FANCC: variants seen among roughly 807,000 people sequenced by gnomAD.
FANCC encodes the protein Fanconi anemia group C protein.
Under a neutral mutation model 71.3 loss-of-function variants are expected in FANCC, and 55 were observed. The ratio of observed to expected loss-of-function variants is 0.77; its 90% CI spans 0.62 to 0.97. The LOEUF is 0.97. Ranked by LOEUF, FANCC falls within the 50% of genes least tolerant of loss-of-function variation. The pLI, the probability that FANCC is intolerant of heterozygous loss-of-function variation, is 0.00. For synonymous variants in FANCC, 275 were observed against 244.9 expected (o/e 1.12, Z -1.15); for missense variants, 678 against 670.9 (o/e 1.01, Z -0.12).
At chr9:95,118,169 C>A (rs936388466) in intron 10 of FANCC, among the ~76,000 whole-genome samples, 3 of 152,150 alleles carry the variant, frequency 2.0e-5, no homozygotes, top group African/African-American at 7.2e-5. Context: ...CAGGCACATG[C>A]CACCACACCT....
intron 6 of FANCC, among the ~76,000 whole-genome samples, chr9:95,152,525 G>A (rs531761140): frequency 1.3e-5 from 2 of 152,248 alleles, no homozygotes; most frequent in South Asian, 2.1e-4. Context: ...GGAGGATGGC[G>A]GAAAGGCTTC....
intron 12 of FANCC, among the ~76,000 whole-genome samples, chr9:95,111,875 C>T (rs775343693): frequency 2.0e-5 from 3 of 152,092 alleles, no homozygotes; most frequent in Non-Finnish European, 4.4e-5. Context: ...CTTTGGACAT[C>T]GGAGTCTTTA....
chr9:95,293,212 A>T, intron 1 of FANCC: 1 of 1,612,860 alleles, frequency 6.2e-7, no homozygotes, highest in Non-Finnish European at 8.5e-7. Flanking sequence ...GATAGCCTCA[A>T]AAGTTGCTTT....
At chr9:95,199,060 T>C (rs146502105) in intron 4 of FANCC, among the ~76,000 whole-genome samples, 80 of 152,278 alleles carry the variant, frequency 5.3e-4, no homozygotes, top group African/African-American at 1.9e-3. Context: ...AGGCAATATA[T>C]GAATTTTTTT....
chr9:95,142,729 A>T (rs1828953009), intron 7 of FANCC, among the ~76,000 whole-genome samples: 1 of 152,200 alleles, frequency 6.6e-6, no homozygotes. Context: ...ATTTTAAATC[A>T]TATGGCCACC....
intron 1 of FANCC, among the ~76,000 whole-genome samples, chr9:95,260,595 C>T (rs1468843433): frequency 6.7e-6 from 1 of 150,346 alleles, no homozygotes. Context: ...ATGTAGATGA[C>T]AGGTTGATGG....
rs1246020036 is a variant in FANCC, at chr9:95,101,784, T to C, written c.1600A>G (p.Asn534Asp). 3 of 1,614,030 alleles carry C rather than the reference T, an allele frequency of 1.9e-6. No individual in the cohort carries two copies. The highest frequency in any genetic ancestry group is 1.1e-5 in the South Asian group (1 of 91,092). Reference sequence around the variant, plus strand: ...CTAGGGCTTTCAATGCCAAGACGATTCCATCTGTACAAGGTCTGGTCAAGA... The same window carrying C: ...CTAGGGCTTTCAATGCCAAGACGATCCCATCTGTACAAGGTCTGGTCAAGA... ...GFLDQTLYRW[N>D]RLGIESPRSE... Residue 534 changes from asparagine (N) to aspartate (D), a missense_variant, in exon 15 of 15, where the codon AAT becomes GAT. Asn to Asp is a conservative substitution (Grantham distance 23, BLOSUM62 1). Coordinates refer to ENST00000289081, the MANE Select transcript of FANCC (RefSeq NM_000136.3).
At chr9:95,255,982 G>GA (rs201189360) in intron 1 of FANCC, among the ~76,000 whole-genome samples, 114 of 146,988 alleles carry the variant, frequency 7.8e-4, no homozygotes, top group African/African-American at 2.4e-3. Flanking sequence ...GAAGGTTAGA[G>GA]AAAAAAAAAA....
intron 4 of FANCC, among the ~76,000 whole-genome samples, chr9:95,230,641 C>T (rs1002596721): frequency 2.6e-5 from 4 of 152,044 alleles, no homozygotes; most frequent in African/African-American, 4.8e-5. Context: ...CGCAGACCTT[C>T]GCAGTGAGTG....
chr9:95,180,834 A>G (rs1826309683), intron 4 of FANCC, among the ~76,000 whole-genome samples: 1 of 152,128 alleles, frequency 6.6e-6, no homozygotes, highest in Non-Finnish European at 1.5e-5. Context: ...ACATGTGAAC[A>G]ATGTGTTATA....
intron 4 of FANCC, among the ~76,000 whole-genome samples, chr9:95,206,162 AGAG>A: frequency 6.6e-6 from 1 of 152,352 alleles, no homozygotes; most frequent in East Asian, 1.9e-4. Flanking sequence ...ACGAAAATTT[AGAG>A]GAGGAGGCGG....
rs111435428 is a variant in FANCC at position 95,292,692 on chromosome 9, A to T, written c.-79+24834T>A. Reference sequence around the variant, plus strand: ...GCAGTATAGCACAGTCAATCCAATAATAAGAAAAGATTTGAAAACTGTACC... The same window carrying T: ...GCAGTATAGCACAGTCAATCCAATATTAAGAAAAGATTTGAAAACTGTACC... On this transcript the variant is annotated intron_variant, in intron 1 of 14. Coordinates refer to ENST00000289081, the MANE Select transcript of FANCC (RefSeq NM_000136.3). 1,162 of 1,324,266 alleles carry T rather than the reference A, an allele frequency of 8.8e-4. 11 individuals carry two copies. In the African/African-American group the frequency reaches 0.013, roughly 15 times the overall value. The allele number at this position is 1,324,266 out of a possible 1,614,324, so 82.0% of individuals were successfully genotyped here.
chr9:95,242,479 CAAAAAAA>C (rs1162048314), intron 3 of FANCC, among the ~76,000 whole-genome samples: 5 of 56,236 alleles, frequency 8.9e-5, no homozygotes, highest in South Asian at 5.5e-4. Flanking sequence ...CATTCACCAC[CAAAAAAA>C]AAAAAAAAAA....
At chr9:95,272,911 G>T (rs926442785) in intron 1 of FANCC, among the ~76,000 whole-genome samples, 13 of 152,230 alleles carry the variant, frequency 8.5e-5, no homozygotes, top group African/African-American at 2.9e-4. Context: ...AGAAATCGGT[G>T]ATCAGCATAA....
chr9:95,170,478 G>A (rs1825593670), intron 6 of FANCC, among the ~76,000 whole-genome samples: 1 of 151,386 alleles, frequency 6.6e-6, no homozygotes, highest in Admixed American at 6.6e-5. Context: ...GCCCACCAAT[G>A]AAAACTGAGA....
rs540600996 is a variant in FANCC, at chr9:95,286,359, G to A, written c.-79+31167C>T. On this transcript the variant is annotated intron_variant, in intron 1 of 14. Coordinates refer to ENST00000289081, the MANE Select transcript of FANCC (RefSeq NM_000136.3). ...CAGTGACTGTATCCTAGGCCAATAC[G>A]TGGAGATGTCTGGTGTAGGGGCTTC... is the stretch of plus-strand genomic sequence containing the variant. Among the ~76,000 whole-genome samples the A allele has an allele frequency of 6.6e-5, 10 of 152,276 alleles. No individual in the cohort carries two copies. The South Asian group carries it at 1.0e-3, about 16-fold the overall frequency.
intron 4 of FANCC, among the ~76,000 whole-genome samples, chr9:95,217,912 G>A (rs1828978611): frequency 6.6e-6 from 1 of 152,132 alleles, no homozygotes; most frequent in Non-Finnish European, 1.5e-5. Flanking sequence ...AGAAATAAAA[G>A]AGAAGACATC....
At chr9:95,251,564 C>CG (rs1481142035) in intron 1 of FANCC, among the ~76,000 whole-genome samples, 86 of 152,270 alleles carry the variant, frequency 5.6e-4, no homozygotes, top group African/African-American at 2.0e-3. Flanking sequence ...GATCCGCCCT[C>CG]CTCTGCCTCC....
intron 8 of FANCC, among the ~76,000 whole-genome samples, chr9:95,134,859 G>A (rs988037003): frequency 7.2e-5 from 11 of 152,366 alleles, no homozygotes; most frequent in Non-Finnish European, 7.3e-5. Context: ...GGAGGGTGAA[G>A]GCAGGTGGCC....
Sources: gnomAD v4.1 joint callset for allele counts (sites outside exome capture counted in the v4.1 genomes callset) on GRCh38, gnomAD v4.1.1 for gene constraint, MANE v1.5 for transcripts, NCBI Gene and HGNC (gene_info 2026-07-23, HGNC 2026-07-21) for gene names.